The following GRM8 variants were observed in gnomAD, a reference collection of about 807,000 sequenced individuals.
GRM8 encodes glutamate metabotropic receptor 8, also known as metabotropic glutamate receptor 8.
Under a neutral mutation model 87.2 loss-of-function variants are expected in GRM8, and 47 were observed. The ratio of observed to expected loss-of-function variants is 0.54; its 90% CI spans 0.43 to 0.69. GRM8 has a LOEUF of 0.69. Among genes scored for constraint, GRM8 ranks in the 30% least tolerant of loss-of-function variants. GRM8 has a pLI of 0.00. For synonymous variants in GRM8, 396 were observed against 404.5 expected (o/e 0.98, Z 0.25); for missense variants, 1,019 against 1,139.2 (o/e 0.89, Z 1.52).
intron 2 of GRM8, among the ~76,000 whole-genome samples, chr7:127,163,956 A>C (rs1486195448): frequency 6.6e-6 from 1 of 152,100 alleles, no homozygotes; most frequent in Non-Finnish European, 1.5e-5. Context: ...AGTTTGGATA[A>C]TTGTCCCTAC....
chr7:126,751,303 A>G lies in GRM8; in HGVS notation c.1357+18562T>C, dbSNP rs1033771304. Among the ~76,000 whole-genome samples the G allele has an allele frequency of 3.3e-5, 5 of 151,774 alleles. No homozygotes were observed. The East Asian group carries it at 9.6e-4, about 29-fold the overall frequency. On this transcript the variant is annotated intron_variant, in intron 7 of 10. Coordinates refer to ENST00000339582, the MANE Select transcript of GRM8 (RefSeq NM_000845.3). ...TGTATGGCTTCTTTTTTGAAAAAAAAGAAAATATTGTTGCATTCTTAAGTT... is the reference window on the plus strand; with the variant it reads ...TGTATGGCTTCTTTTTTGAAAAAAAGGAAAATATTGTTGCATTCTTAAGTT...
chr7:127,035,295 G>A (rs945752241), intron 3 of GRM8, among the ~76,000 whole-genome samples: 1 of 152,142 alleles, frequency 6.6e-6, no homozygotes, highest in Non-Finnish European at 1.5e-5. Flanking sequence ...TGTTAAGGCT[G>A]TGTCTATACG....
At chr7:126,714,417 T>C (rs1811497469) in intron 7 of GRM8, among the ~76,000 whole-genome samples, 1 of 151,928 alleles carries the variant, frequency 6.6e-6, no homozygotes. Flanking sequence ...AATAGTCCTA[T>C]CAAGGAGGTT....
At chr7:126,507,329 T>C (rs1810638108) in intron 9 of GRM8, among the ~76,000 whole-genome samples, 1 of 152,140 alleles carries the variant, frequency 6.6e-6, no homozygotes. Context: ...TTTCTGGAGA[T>C]GTCAATTTAT....
chr7:127,223,914 TAAAA>T lies in GRM8; in HGVS notation c.510+18777_510+18780del, dbSNP rs71177597. Among the ~76,000 whole-genome samples, 113 of 133,770 alleles carry T rather than the reference TAAAA, an allele frequency of 8.4e-4. 1 individual carries two copies. In the South Asian group the frequency reaches 0.024, roughly 29 times the overall value. The allele number at this position is 133,770 out of a possible 152,430, so 87.8% of individuals were successfully genotyped here. A position where few individuals can be genotyped will look rare whatever the true frequency, so the allele number is the denominator to read the frequency against. ...ACTGAAATATATTATAAATGAAATG[TAAAA>T]AAAAAAAAAAAAACTCAATGGATGG... is the stretch of plus-strand genomic sequence containing the variant. On this transcript the variant is annotated intron_variant, in intron 2 of 10. Coordinates refer to ENST00000339582, the MANE Select transcript of GRM8 (RefSeq NM_000845.3).
At chr7:126,999,293 G>T (rs1244415996) in intron 3 of GRM8, among the ~76,000 whole-genome samples, 1 of 151,826 alleles carries the variant, frequency 6.6e-6, no homozygotes, top group African/African-American at 2.4e-5. Flanking sequence ...ATTACTATAA[G>T]AAAACATTGG....
At chr7:127,232,183 T>TGTGTGTG (rs1797724452) in intron 2 of GRM8, among the ~76,000 whole-genome samples, 1 of 129,756 alleles carries the variant, frequency 7.7e-6, no homozygotes, top group African/African-American at 3.1e-5. Flanking sequence ...TGTTTCTTCT[T>TGTGTGTG]TGTGTGTGTG....
intron 7 of GRM8, among the ~76,000 whole-genome samples, chr7:126,661,544 C>T (rs1327353849): frequency 6.6e-6 from 1 of 152,112 alleles, no homozygotes; most frequent in Non-Finnish European, 1.5e-5. Context: ...GGGGGTCAGC[C>T]AGCATGAATA....
chr7:127,116,570 G>A (rs566073653), intron 2 of GRM8, among the ~76,000 whole-genome samples: 6 of 152,280 alleles, frequency 3.9e-5, no homozygotes, highest in South Asian at 2.1e-4. Context: ...TGAACCTGCC[G>A]CTAAGAGTTA....
At chr7:127,075,831 C>T (rs1822200220) in intron 3 of GRM8, 1 of 174,858 alleles carries the variant, frequency 5.7e-6, no homozygotes, top group Non-Finnish European at 1.2e-5. Context: ...GCAAAACAGC[C>T]TGCTCACCCA....
At chr7:126,767,739 C>A (rs917253334) in intron 7 of GRM8, among the ~76,000 whole-genome samples, 2 of 151,950 alleles carry the variant, frequency 1.3e-5, no homozygotes, top group Non-Finnish European at 2.9e-5. Context: ...TGATGAATAT[C>A]CTGGAAATCA....
intron 9 of GRM8, among the ~76,000 whole-genome samples, chr7:126,515,290 G>C (rs1317754898): frequency 6.6e-6 from 1 of 151,842 alleles, no homozygotes; most frequent in African/African-American, 2.4e-5. Flanking sequence ...GTTTCAAATT[G>C]TACATTCATA....
intron 7 of GRM8, among the ~76,000 whole-genome samples, chr7:126,643,307 AAAAAAAAAAAAAATAT>A (rs1243900597): frequency 4.9e-4 from 17 of 34,982 alleles, no homozygotes; most frequent in African/African-American, 1.4e-3. Flanking sequence ...AAAAAAAAAA[AAAAAAAAAAAAAATAT>A]ATATATATAT....
intron 3 of GRM8, among the ~76,000 whole-genome samples, chr7:126,965,465 T>C (rs1022794933): frequency 2.6e-5 from 4 of 152,202 alleles, no homozygotes; most frequent in African/African-American, 9.6e-5. Context: ...AGCAATCTGA[T>C]ACAAGTCATG....
intron 2 of GRM8, among the ~76,000 whole-genome samples, chr7:127,241,634 A>G (rs1350467519): frequency 1.3e-5 from 2 of 151,854 alleles, no homozygotes; most frequent in East Asian, 3.9e-4. Context: ...ACGGGGTTTC[A>G]CCGTGTTAGC....
intron 5 of GRM8, among the ~76,000 whole-genome samples, chr7:126,903,535 A>G (rs1563299918): frequency 6.7e-6 from 1 of 150,056 alleles, no homozygotes; most frequent in Admixed American, 6.7e-5. Context: ...TTTCTTAAAA[A>G]AATATAATGG....
At chr7:126,524,779 A>G (rs1449765030) in intron 9 of GRM8, among the ~76,000 whole-genome samples, 1 of 151,576 alleles carries the variant, frequency 6.6e-6, no homozygotes, top group Non-Finnish European at 1.5e-5. Flanking sequence ...ACATCTGTTC[A>G]GCTTTTTATT....
chr7:126,501,806 A>T (rs1206539524), intron 9 of GRM8, among the ~76,000 whole-genome samples: 1 of 151,918 alleles, frequency 6.6e-6, no homozygotes, highest in East Asian at 2.0e-4. Context: ...AATGAGTGTC[A>T]ATGGGGTCCA....
intron 7 of GRM8, among the ~76,000 whole-genome samples, chr7:126,651,941 G>A (rs1192549201): frequency 6.6e-6 from 1 of 152,186 alleles, no homozygotes; most frequent in Non-Finnish European, 1.5e-5. Flanking sequence ...GACTCCACCA[G>A]GAAAAAACCA....
Sources: gnomAD v4.1 joint callset for allele counts (sites outside exome capture counted in the v4.1 genomes callset) on GRCh38, gnomAD v4.1.1 for gene constraint, MANE v1.5 for transcripts, NCBI Gene and HGNC (gene_info 2026-07-23, HGNC 2026-07-21) for gene names.